Variants in EIF4E observed in about 807,000 individuals in gnomAD.
The protein encoded by EIF4E is eIF-4F 25 kDa subunit.
For missense variants in EIF4E, 113 were observed against 265.6 expected (o/e 0.43, Z 3.99); for synonymous variants, 71 against 88.5 (o/e 0.80, Z 1.11).
intron 1 of EIF4E, among the ~76,000 whole-genome samples, chr4:98,910,581 C>T (rs916561782): frequency 1.3e-5 from 2 of 152,062 alleles, no homozygotes; most frequent in Non-Finnish European, 2.9e-5. Flanking sequence ...GTGAATAGAG[C>T]TGATTAAGTT....
intron 6 of EIF4E, 119 bp downstream of exon 6, chr4:98,884,803 A>G (rs1322800195): frequency 7.2e-7 from 1 of 1,394,472 alleles, no homozygotes; most frequent in Non-Finnish European, 9.9e-7. Context: ...GTGTTCACGA[A>G]AACAATACAA....
chr4:98,926,909 C>T (rs116459455), intron 1 of EIF4E, among the ~76,000 whole-genome samples: 474 of 152,312 alleles, frequency 3.1e-3, no homozygotes, highest in Non-Finnish European at 5.9e-3. Flanking sequence ...TGAAACAAAA[C>T]TGCATAAACT....
At chr4:98,923,848 T>C (rs1386197789) in intron 1 of EIF4E, among the ~76,000 whole-genome samples, 4 of 152,228 alleles carry the variant, frequency 2.6e-5, no homozygotes, top group African/African-American at 9.6e-5. Flanking sequence ...ATGTCAACTT[T>C]AGTCCCTTAC....
At chr4:98,919,496 G>C (rs775696784) in intron 1 of EIF4E, among the ~76,000 whole-genome samples, 1 of 150,932 alleles carries the variant, frequency 6.6e-6, no homozygotes, top group Non-Finnish European at 1.5e-5. Flanking sequence ...ACCTTATAAA[G>C]TTGAACTAAA....
rs1724135170 is a variant in EIF4E at position 98,891,343 on chromosome 4, A to T, written c.126-11T>A. On this transcript the variant is annotated splice_polypyrimidine_tract_variant and intron_variant, in intron 2 of 6. Coordinates refer to ENST00000450253, the MANE Select transcript of EIF4E (RefSeq NM_001968.5). Reference sequence around the variant, plus strand: ...AACCAGAGTGCCCATCTAAAAATAAAAAATCAGTGTCAAAAAATGGTAGCT... The same window carrying T: ...AACCAGAGTGCCCATCTAAAAATAATAAATCAGTGTCAAAAAATGGTAGCT... 6.2e-7 allele frequency: 1 copy of T among 1,608,814 alleles called. No homozygotes were observed.
intron 6 of EIF4E, among the ~76,000 whole-genome samples, chr4:98,882,396 CAAAAAAAAA>C (rs33922454): frequency 1.2e-5 from 1 of 85,212 alleles, no homozygotes; most frequent in Non-Finnish European, 2.4e-5. Context: ...GACTCCGTCT[CAAAAAAAAA>C]AAAAAAAAAG....
At chr4:98,904,978 C>T (rs530942710) in intron 1 of EIF4E, among the ~76,000 whole-genome samples, 2 of 151,790 alleles carry the variant, frequency 1.3e-5, no homozygotes, top group African/African-American at 2.4e-5. Flanking sequence ...GTCATCTTTT[C>T]GTATGATCTA....
intron 1 of EIF4E, among the ~76,000 whole-genome samples, chr4:98,909,113 T>C (rs1437150560): frequency 2.0e-5 from 3 of 152,112 alleles, no homozygotes; most frequent in African/African-American, 7.2e-5. Flanking sequence ...AAAAAAGGCA[T>C]GAATGGTACA....
At chr4:98,891,406 C>T in intron 2 of EIF4E, 74 bp from the exon 3 acceptor site, 1 of 1,396,816 alleles carries the variant, frequency 7.2e-7, no homozygotes, top group Non-Finnish European at 1.0e-6. Flanking sequence ...TCACAAAAGT[C>T]AAAAGGTAGA....
chr4:98,884,800 C>T lies in EIF4E; in HGVS notation c.539+122G>A, dbSNP rs1023181581. On this transcript the variant is annotated intron_variant, in intron 6 of 6. Coordinates refer to ENST00000450253, the MANE Select transcript of EIF4E (RefSeq NM_001968.5). ...CCGTTCAAAATTATAAAAGTGTTCACGAAAACAATACAAGGAAAACAGGAT... is the reference window on the plus strand; with the variant it reads ...CCGTTCAAAATTATAAAAGTGTTCATGAAAACAATACAAGGAAAACAGGAT... 34 of 1,374,382 alleles carry T rather than the reference C, an allele frequency of 2.5e-5. No individual in the cohort carries two copies. In the Middle Eastern group the frequency reaches 7.7e-4, roughly 31 times the overall value. 85.1% of individuals were successfully genotyped at this position (1,374,382 alleles called of 1,614,324 possible). A position where few individuals can be genotyped will look rare whatever the true frequency, so the allele number is the denominator to read the frequency against.
chr4:98,929,043 G>A (rs1454367174), intron 1 of EIF4E, 52 bp downstream of exon 1: 8 of 1,572,892 alleles, frequency 5.1e-6, no homozygotes, highest in Non-Finnish European at 6.9e-6. Context: ...CCAGTCAGAA[G>A]GAAGACGGAG....
chr4:98,905,656 A>T (rs1351264540), intron 1 of EIF4E, among the ~76,000 whole-genome samples: 1 of 152,206 alleles, frequency 6.6e-6, no homozygotes, highest in Non-Finnish European at 1.5e-5. Context: ...GAAAAAGATA[A>T]CCAATTTGAG....
At chr4:98,923,799 T>A (rs924142831) in intron 1 of EIF4E, among the ~76,000 whole-genome samples, 1 of 152,248 alleles carries the variant, frequency 6.6e-6, no homozygotes, top group African/African-American at 2.4e-5. Flanking sequence ...AAATAGTATG[T>A]AAATGCATGG....
chr4:98,918,602 G>T (rs1579183394), intron 1 of EIF4E, among the ~76,000 whole-genome samples: 1 of 152,040 alleles, frequency 6.6e-6, no homozygotes, highest in Non-Finnish European at 1.5e-5. Context: ...TGTATGGAAT[G>T]ATACAGGGAA....
At chr4:98,902,273 C>T (rs1218982143) in intron 1 of EIF4E, among the ~76,000 whole-genome samples, 1 of 152,074 alleles carries the variant, frequency 6.6e-6, no homozygotes, top group Non-Finnish European at 1.5e-5. Context: ...GGTTTCACCC[C>T]GTTGGTCAGG....
intron 5 of EIF4E, among the ~76,000 whole-genome samples, chr4:98,885,267 C>A (rs1036128326): frequency 7.9e-5 from 12 of 152,152 alleles, no homozygotes; most frequent in Non-Finnish European, 1.5e-4. Flanking sequence ...CAGCCTTTTT[C>A]AGCAAATTTG....
intron 2 of EIF4E, among the ~76,000 whole-genome samples, chr4:98,896,195 C>CAATAAAATAACATAA (rs1724376112): frequency 7.4e-6 from 1 of 134,972 alleles, no homozygotes; most frequent in African/African-American, 3.9e-5. Flanking sequence ...GCTCCATCTC[C>CAATAAAATAACATAA]AATAAAATAA....
At chr4:98,919,186 A>G (rs1037822759) in intron 1 of EIF4E, among the ~76,000 whole-genome samples, 1 of 152,084 alleles carries the variant, frequency 6.6e-6, no homozygotes, top group African/African-American at 2.4e-5. Flanking sequence ...GCACACCTGT[A>G]GTCCCAGCTA....
chr4:98,892,964 T>C (rs1724218413), intron 2 of EIF4E, among the ~76,000 whole-genome samples: 1 of 152,178 alleles, frequency 6.6e-6, no homozygotes, highest in African/African-American at 2.4e-5. Flanking sequence ...TAACATATTA[T>C]ATATAGAGGC....
Sources: allele counts gnomAD v4.1 joint callset (sites outside exome capture counted in the v4.1 genomes callset), GRCh38; gene constraint gnomAD v4.1.1; transcripts MANE v1.5; gene names NCBI Gene and HGNC (gene_info 2026-07-23, HGNC 2026-07-21).